Variants in CNDP2 observed in about 807,000 individuals in gnomAD.
CNDP2 encodes cytosolic non-specific dipeptidase.
A neutral mutation model predicts 55.0 loss-of-function variants in CNDP2; 38 were observed. The ratio of observed to expected loss-of-function variants is 0.69; its 90% confidence interval spans 0.53 to 0.90. The LOEUF is 0.90. Ranked by LOEUF, CNDP2 falls within the 40% of genes least tolerant of loss-of-function variation. The probability of loss-of-function intolerance (pLI) is 0.00; values close to 1 mark genes in which losing one functional copy is unlikely to be tolerated. For missense variants in CNDP2, 607 were observed against 621.7 expected, an observed-to-expected ratio of 0.98 and a Z score of 0.25; for synonymous variants, 241 against 260.2, an observed-to-expected ratio of 0.93 and a Z score of 0.71.
Position 74,506,019 on chromosome 18 carries a change from CCG to C in CNDP2, c.367+14_367+15del. On this transcript the variant is annotated intron_variant, in intron 4 of 11. Transcript: ENST00000324262. ...CCCTGGTGGAGCGAGACGGTGAGCG[CCG>C]CGCGCCTATGCGTGCCCAGAGGAAA... The C allele has an allele frequency of 6.4e-7, 1 of 1,563,256 alleles. No homozygotes were observed. The highest frequency in any genetic ancestry group is 2.3e-5 in the East Asian group (1 of 43,872).
chr18:74,508,504 T>G, intron 4 of CNDP2: 1 of 224,594 alleles, frequency 4.5e-6, no homozygotes, highest in African/African-American at 2.2e-5. Context: ...GTAAATGGGT[T>G]TTAATGAACT....
chr18:74,510,384 A>G (rs1233769687), intron 5 of CNDP2, among the ~76,000 whole-genome samples: 8 of 152,206 alleles, frequency 5.3e-5, no homozygotes, highest in African/African-American at 1.9e-4. Flanking sequence ...ACACACGGCA[A>G]GGTGGGCACA....
At chr18:74,518,418 T>G (rs1979835214) in intron 9 of CNDP2, 81 bp from the exon 10 acceptor site, 1 of 1,548,582 alleles carries the variant, frequency 6.5e-7, no homozygotes. Context: ...AGACCCATGA[T>G]AGCAGACCCG....
At chr18:74,500,573 T>TG (rs1240297983) in intron 2 of CNDP2, among the ~76,000 whole-genome samples, 2 of 152,234 alleles carry the variant, frequency 1.3e-5, no homozygotes, top group African/African-American at 4.8e-5. Flanking sequence ...TTACGGAACC[T>TG]GGTACATTTT....
At chr18:74,516,084 C>A in intron 8 of CNDP2, 144 bp from the exon 9 acceptor site, 1 of 840,596 alleles carries the variant, frequency 1.2e-6, no homozygotes, top group Non-Finnish European at 1.9e-6. Context: ...TGCACCTGGA[C>A]CTCCTGCCTG....
chr18:74,498,428 CTGT>C (rs1978520041), intron 1 of CNDP2, among the ~76,000 whole-genome samples: 1 of 152,116 alleles, frequency 6.6e-6, no homozygotes, highest in Admixed American at 6.6e-5. Flanking sequence ...GGGACCACCG[CTGT>C]TGTTGATGGA....
At chr18:74,507,924 G>A (rs1979122326) in intron 4 of CNDP2, 1 of 152,292 alleles carries the variant, frequency 6.6e-6, no homozygotes, top group South Asian at 2.1e-4. Flanking sequence ...GATAAGGATT[G>A]TTGTTTTAGA....
At chr18:74,512,386 T>C (rs1979403038) in intron 6 of CNDP2, 62 bp from the exon 7 acceptor site, 2 of 1,429,512 alleles carry the variant, frequency 1.4e-6, no homozygotes, top group African/African-American at 2.9e-5. Flanking sequence ...GAATTTACTG[T>C]CACATGATAA....
chr18:74,498,341 T>A lies in CNDP2; in HGVS notation c.-92-1541T>A, dbSNP rs138344583. On this transcript the variant is annotated intron_variant, in intron 1 of 11. Coordinates refer to ENST00000324262, the MANE Select transcript of CNDP2 (RefSeq NM_018235.3). ...CTTTACTGGATGCTGTAGGCAGTTG[T>A]AACACAGTGGTAGGTATTTGTGTAT... Among the ~76,000 whole-genome samples, 1,179 of 152,292 alleles carry A rather than the reference T, an allele frequency of 7.7e-3. 15 individuals carry two copies. The highest frequency in any genetic ancestry group is 0.027 in the African/African-American group (1,107 of 41,550).
intron 7 of CNDP2, 45 bp from the exon 8 acceptor site, chr18:74,513,514 G>A (rs1406617838): frequency 6.4e-7 from 1 of 1,568,604 alleles, no homozygotes; most frequent in Non-Finnish European, 8.6e-7. Flanking sequence ...GCTCGCCTTG[G>A]TGCGGCCTCC....
At chr18:74,500,549 A>G (rs1324890836) in intron 2 of CNDP2, among the ~76,000 whole-genome samples, 2 of 152,236 alleles carry the variant, frequency 1.3e-5, no homozygotes, top group Admixed American at 1.3e-4. Flanking sequence ...AGTCACATTC[A>G]GATAAAAACT....
chr18:74,516,295 CTG>C lies in CNDP2; in HGVS notation c.972_973del (p.Gly325ValfsTer26), dbSNP rs1979660753. 6.2e-7 allele frequency: 1 copy of C among 1,614,162 alleles called. No homozygotes were observed. The highest frequency in any genetic ancestry group is 8.5e-7 in the Non-Finnish European group (1 of 1,180,010). On this transcript the variant is annotated frameshift_variant, in exon 9 of 12. Coordinates refer to ENST00000324262, the MANE Select transcript of CNDP2 (RefSeq NM_018235.3). LOFTEE classifies it high-confidence loss of function. ...CTCCATGGCATCGAAGGCGCCTTCT[CTG>C]GGTCTGGGGCCAAGACCGTGATTCC...
intron 6 of CNDP2, 113 bp from the exon 7 acceptor site, chr18:74,512,335 T>G: frequency 1.0e-6 from 1 of 985,352 alleles, no homozygotes; most frequent in Non-Finnish European, 1.5e-6. Context: ...GGAGCAAATT[T>G]TGATTTGGGA....
At chr18:74,514,946 A>G (rs936587481) in intron 8 of CNDP2, among the ~76,000 whole-genome samples, 3 of 152,190 alleles carry the variant, frequency 2.0e-5, no homozygotes, top group Non-Finnish European at 4.4e-5. Flanking sequence ...GGCAGTACCA[A>G]AGGCTGTGGG....
intron 1 of CNDP2, among the ~76,000 whole-genome samples, chr18:74,498,471 G>T (rs549456026): frequency 6.6e-6 from 1 of 152,126 alleles, no homozygotes; most frequent in African/African-American, 2.4e-5. Flanking sequence ...CTATATTTTT[G>T]AGTGACTTTA....
chr18:74,515,090 A>T (rs1037895019), intron 8 of CNDP2, among the ~76,000 whole-genome samples: 1 of 152,172 alleles, frequency 6.6e-6, no homozygotes, highest in Non-Finnish European at 1.5e-5. Flanking sequence ...TTAGGGACAG[A>T]TGGGCAGCAG....
chr18:74,497,552 A>G (rs1000568361), intron 1 of CNDP2: 4 of 152,240 alleles, frequency 2.6e-5, no homozygotes, highest in African/African-American at 9.7e-5. Context: ...TGGGAGACCA[A>G]GGCGGACAGA....
chr18:74,519,114 G>C lies in CNDP2; in HGVS notation c.1358+18G>C. ...CTCAACAGGTGAGAGTCCAGGGTGC[G>C]GCCCAGGTTGGCGTCTCCTGCACAG... On this transcript the variant is annotated intron_variant, in intron 11 of 11. Transcript: ENST00000324262. The C allele has an allele frequency of 1.3e-6, 2 of 1,589,870 alleles. No homozygotes were observed. Among genetic ancestry groups the C allele is most frequent in the Non-Finnish European group, 1.7e-6 (2 of 1,163,972 alleles).
chr18:74,511,256 GT>G, intron 6 of CNDP2: 3 of 530,232 alleles, frequency 5.7e-6, no homozygotes, highest in Non-Finnish European at 1.0e-5. Context: ...GATTTGTAAT[GT>G]TGCTTTGGAG....
Sources: gnomAD v4.1 joint callset for allele counts (sites outside exome capture counted in the v4.1 genomes callset) on GRCh38, gnomAD v4.1.1 for gene constraint, MANE v1.5 for transcripts, NCBI Gene and HGNC (gene_info 2026-07-23, HGNC 2026-07-21) for gene names.